The following SOS1 variants were observed in gnomAD, a reference collection of about 807,000 sequenced individuals.
SOS1 encodes son of sevenless homolog 1.
Under a neutral mutation model 157.6 loss-of-function variants are expected in SOS1, and 25 were observed. The ratio of observed to expected loss-of-function variants is 0.16; its 90% CI spans 0.12 to 0.22. SOS1 has a LOEUF of 0.22. SOS1 is among the 10% of genes least tolerant of loss of function. SOS1 has a pLI of 1.00. For synonymous variants in SOS1, 528 were observed against 534.0 expected (o/e 0.99, Z 0.16); for missense variants, 1,237 against 1,599.1 (o/e 0.77, Z 3.86).
chr2:39,091,403 T>A (rs1256216905), intron 1 of SOS1, among the ~76,000 whole-genome samples: 2 of 152,188 alleles, frequency 1.3e-5, no homozygotes, highest in Admixed American at 6.5e-5. Context: ...CTTTTGATGT[T>A]TCACCTGTGA....
At chr2:39,089,342 C>G (rs1243242021) in intron 1 of SOS1, among the ~76,000 whole-genome samples, 1 of 152,072 alleles carries the variant, frequency 6.6e-6, no homozygotes, top group South Asian at 2.1e-4. Context: ...ACTAGACTGG[C>G]CAACATGGTG....
chr2:39,066,070 CCTGT>C (rs1168330433), intron 2 of SOS1, among the ~76,000 whole-genome samples: 2 of 152,150 alleles, frequency 1.3e-5, no homozygotes, highest in African/African-American at 2.4e-5. Context: ...ATTGGATATG[CCTGT>C]CTATCAATCC....
At chr2:39,115,754 T>A (rs1588403) in intron 1 of SOS1, among the ~76,000 whole-genome samples, 1 of 152,194 alleles carries the variant, frequency 6.6e-6, no homozygotes, top group African/African-American at 2.4e-5. Flanking sequence ...TTCCTTTTTA[T>A]TGCTGAGTAG....
chr2:39,023,016 C>G lies in SOS1; in HGVS notation c.1412G>C (p.Cys471Ser), dbSNP rs397517151. The G allele has an allele frequency of 1.9e-6, 3 of 1,613,630 alleles. No homozygotes were observed. The change falls in exon 10 of 23, where the codon TGT (cysteine) becomes TCT (serine). Residue 471 changes from cysteine (C) to serine (S), a missense_variant. By Grantham distance (112) the Cys-to-Ser change is moderately radical (BLOSUM62 -1). Around this residue, in one of 15 missense-constraint regions of SOS1, gnomAD observed 210 missense variants for 220.2 expected, o/e 0.95. Coordinates refer to ENST00000402219, the MANE Select transcript of SOS1 (RefSeq NM_005633.4). ...IFLFDGLMICCKSNHGQPRLP... is the reference protein window; with the variant it reads ...IFLFDGLMICSKSNHGQPRLP... ...TCTTGGCTGCCCATGATTTGATTTA[C>G]AGCAAATCATTAAGCCATCAAAGAG... is the stretch of plus-strand genomic sequence containing the variant.
chr2:38,986,068 G>A lies in SOS1; in HGVS notation c.3758C>T (p.Pro1253Leu), dbSNP rs772527384. Residue 1253 changes from proline (P) to leucine (L), a missense_variant, in exon 23 of 23, where the codon CCT becomes CTT. Pro to Leu is a moderately conservative substitution (Grantham distance 98). Transcript: ENST00000402219. ...DHGNAFFPNS[P>L]SPFTPPPPQT... Reference sequence around the variant, plus strand: ...AGGAGGAGGTGGTGTAAAGGGGGAAGGGCTGTTTGGGAAGAAGGCATTGCC... The same window carrying A: ...AGGAGGAGGTGGTGTAAAGGGGGAAAGGCTGTTTGGGAAGAAGGCATTGCC... 3.1e-6 allele frequency: 5 copies of A among 1,613,946 alleles called. No individual in the cohort carries two copies. The highest frequency in any genetic ancestry group is 4.2e-6 in the Non-Finnish European group (5 of 1,179,920).
At chr2:39,090,589 G>A (rs547783152) in intron 1 of SOS1, among the ~76,000 whole-genome samples, 2 of 152,042 alleles carry the variant, frequency 1.3e-5, no homozygotes, top group Non-Finnish European at 2.9e-5. Context: ...CCAGCTACTA[G>A]ACAGGCTGAG....
At chr2:39,073,457 TTACTAAA>T (rs1671855163) in intron 1 of SOS1, among the ~76,000 whole-genome samples, 1 of 152,230 alleles carries the variant, frequency 6.6e-6, no homozygotes, top group Non-Finnish European at 1.5e-5. Flanking sequence ...TGCAAATACT[TTACTAAA>T]TAATTAACAA....
chr2:39,111,832 C>T (rs568050424), intron 1 of SOS1, among the ~76,000 whole-genome samples: 1 of 151,580 alleles, frequency 6.6e-6, no homozygotes, highest in South Asian at 2.1e-4. Context: ...AGGTTTCAAG[C>T]GATTCTCCTA....
Position 39,035,439 on chromosome 2 carries a change from T to A in SOS1, c.926A>T (p.Asp309Val). The A allele has an allele frequency of 6.2e-7, 1 of 1,613,936 alleles. No homozygotes were observed. Reference sequence around the variant, plus strand: ...CTTTGATAACTGACTAAGGAAACGATCATGAAAACCAGGTCGCAAAATATC... The same window carrying A: ...CTTTGATAACTGACTAAGGAAACGAACATGAAAACCAGGTCGCAAAATATC... ...ARDILRPGFHDRFLSQLSKPG... is the reference protein window; with the variant it reads ...ARDILRPGFHVRFLSQLSKPG... The change falls in exon 7 of 23, where the codon GAT becomes GTT. Residue 309 changes from aspartate (D) to valine (V), a missense_variant. Physicochemically the swap from Asp to Val is radical, Grantham distance 152 (BLOSUM62 -3). Coordinates refer to ENST00000402219, the MANE Select transcript of SOS1 (RefSeq NM_005633.4).
upstream of SOS1, among the ~76,000 whole-genome samples, chr2:39,124,502 G>A (rs1231043665): frequency 1.3e-5 from 2 of 152,262 alleles, no homozygotes; most frequent in Non-Finnish European, 2.9e-5. Context: ...CGAGGACGGG[G>A]GCGGGGGTGG....
Position 39,054,557 on chromosome 2 carries a change from T to G in SOS1, c.720+57A>C, listed in dbSNP as rs540816545. On this transcript the variant is annotated intron_variant, in intron 5 of 22. Transcript: ENST00000402219. ...GAACTGTACAACTTCAAATTTGAAG[T>G]GGTCATGCAAATTTCACAACACATT... 80 of 981,018 alleles carry G rather than the reference T, an allele frequency of 8.2e-5. No homozygotes were observed. In the African/African-American group the frequency reaches 1.2e-3, roughly 15 times the overall value. The allele number at this position is 981,018 out of a possible 1,614,324, so 60.8% of individuals were successfully genotyped here.
chr2:38,990,717 T>C (rs1255398230), intron 20 of SOS1, among the ~76,000 whole-genome samples: 1 of 152,218 alleles, frequency 6.6e-6, no homozygotes, highest in Admixed American at 6.5e-5. Context: ...TAATTGTACA[T>C]ATGCATGCAC....
upstream of SOS1, chr2:39,121,137 G>C (rs1483675433): frequency 6.5e-6 from 1 of 153,456 alleles, no homozygotes; most frequent in Non-Finnish European, 1.5e-5. Context: ...GAGAAAGAGA[G>C]AGAGAGACAG....
intron 1 of SOS1, among the ~76,000 whole-genome samples, chr2:39,117,642 T>C (rs1673703863): frequency 6.6e-6 from 1 of 152,218 alleles, no homozygotes; most frequent in South Asian, 2.1e-4. Context: ...GAGTGTGACA[T>C]GTTCAGAAGT....
chr2:39,022,342 A>G (rs1669824446), intron 10 of SOS1, among the ~76,000 whole-genome samples: 1 of 151,946 alleles, frequency 6.6e-6, no homozygotes, highest in African/African-American at 2.4e-5. Context: ...TAGCCAAGTG[A>G]CCTCATTTTC....
chr2:39,095,194 C>G (rs777225312), intron 1 of SOS1, among the ~76,000 whole-genome samples: 2 of 152,154 alleles, frequency 1.3e-5, no homozygotes, highest in Non-Finnish European at 2.9e-5. Context: ...TCACAATGAT[C>G]ATTTTCAACT....
chr2:39,063,828 T>C (rs1671494983), intron 2 of SOS1, among the ~76,000 whole-genome samples: 1 of 152,106 alleles, frequency 6.6e-6, no homozygotes, highest in Admixed American at 6.6e-5. Context: ...TTTAAACATT[T>C]TTTTTTTCAA....
At chr2:39,017,198 C>G (rs1669657758) in intron 10 of SOS1, among the ~76,000 whole-genome samples, 1 of 151,992 alleles carries the variant, frequency 6.6e-6, no homozygotes, top group African/African-American at 2.4e-5. Flanking sequence ...TCATGTGATT[C>G]CTGATTTAGT....
intron 1 of SOS1, among the ~76,000 whole-genome samples, chr2:39,094,703 G>C (rs1320294432): frequency 6.6e-6 from 1 of 151,952 alleles, no homozygotes; most frequent in Non-Finnish European, 1.5e-5. Context: ...GGGGTTCTGA[G>C]ACCGAAAAAC....
Sources: allele counts gnomAD v4.1 joint callset (sites outside exome capture counted in the v4.1 genomes callset), GRCh38; gene constraint gnomAD v4.1.1; regional missense constraint gnomAD v4.1.1; transcripts MANE v1.5; gene names NCBI Gene and HGNC (gene_info 2026-07-23, HGNC 2026-07-21).